CCDC192: variants seen among roughly 807,000 people sequenced by gnomAD.
The protein encoded by CCDC192 is coiled-coil domain-containing protein 192.
chr5:127,747,255 C>A (rs577107486), intron 2 of CCDC192, among the ~76,000 whole-genome samples: 2 of 152,086 alleles, frequency 1.3e-5, no homozygotes, highest in South Asian at 2.1e-4. Flanking sequence ...ATCCCTCCCC[C>A]CTCTCCCCAC....
At chr5:127,851,998 A>G (rs530633371) in intron 5 of CCDC192, among the ~76,000 whole-genome samples, 2 of 152,354 alleles carry the variant, frequency 1.3e-5, no homozygotes, top group African/African-American at 4.8e-5. Context: ...AAATTAAACC[A>G]GTTTTATAAC....
chr5:127,715,594 T>A (rs248730), intron 2 of CCDC192, among the ~76,000 whole-genome samples: 1 of 152,032 alleles, frequency 6.6e-6, no homozygotes, highest in Non-Finnish European at 1.5e-5. Flanking sequence ...CCAATTTCAG[T>A]ATTGTTTTTT....
At chr5:127,936,454 G>T (rs1561558599) in intron 6 of CCDC192, among the ~76,000 whole-genome samples, 1 of 152,128 alleles carries the variant, frequency 6.6e-6, no homozygotes, top group Non-Finnish European at 1.5e-5. Flanking sequence ...CAGAATGCTG[G>T]GACTGCCTCT....
chr5:127,888,207 G>C (rs1752627033), intron 6 of CCDC192, among the ~76,000 whole-genome samples: 1 of 151,894 alleles, frequency 6.6e-6, no homozygotes, highest in Non-Finnish European at 1.5e-5. Context: ...CTTGAAGTCA[G>C]GGGTTCGAAA....
chr5:127,919,013 ATG>A (rs1240105322), intron 6 of CCDC192, among the ~76,000 whole-genome samples: 2 of 145,222 alleles, frequency 1.4e-5, no homozygotes, highest in Admixed American at 6.9e-5. Context: ...GTATGTATAT[ATG>A]TGTGTGTATG....
At chr5:127,907,543 C>T (rs868326364) in intron 6 of CCDC192, among the ~76,000 whole-genome samples, 3 of 152,070 alleles carry the variant, frequency 2.0e-5, no homozygotes, top group Non-Finnish European at 4.4e-5. Flanking sequence ...TAAAGTCTGA[C>T]ATCTATTCAA....
intron 6 of CCDC192, among the ~76,000 whole-genome samples, chr5:127,890,382 T>C (rs1443243148): frequency 6.7e-6 from 1 of 149,992 alleles, no homozygotes; most frequent in East Asian, 2.0e-4. Context: ...TTGTAAAACC[T>C]AAGATTGGTG....
intron 5 of CCDC192, among the ~76,000 whole-genome samples, chr5:127,869,693 G>A (rs924858462): frequency 1.6e-4 from 25 of 152,138 alleles, no homozygotes; most frequent in Admixed American, 1.3e-3. Flanking sequence ...CCTACAGAGG[G>A]AAAAAACTGA....
At chr5:127,776,496 G>A (rs868493328) in intron 3 of CCDC192, among the ~76,000 whole-genome samples, 1 of 152,240 alleles carries the variant, frequency 6.6e-6, no homozygotes, top group South Asian at 2.1e-4. Context: ...CTGACAATGC[G>A]ACAGAAAAGA....
At chr5:127,863,560 A>C (rs1380012916) in intron 5 of CCDC192, among the ~76,000 whole-genome samples, 1 of 152,232 alleles carries the variant, frequency 6.6e-6, no homozygotes, top group Non-Finnish European at 1.5e-5. Flanking sequence ...AGGAGGAAGA[A>C]ACAGGTAGTT....
At chr5:127,931,644 T>C (rs756718120) in intron 6 of CCDC192, among the ~76,000 whole-genome samples, 6 of 152,084 alleles carry the variant, frequency 3.9e-5, no homozygotes, top group Admixed American at 1.3e-4. Flanking sequence ...GATCATCAGA[T>C]TTCCTTGGGA....
At chr5:127,797,694 T>G (rs1033989650) in intron 4 of CCDC192, among the ~76,000 whole-genome samples, 1 of 147,236 alleles carries the variant, frequency 6.8e-6, no homozygotes, top group African/African-American at 2.5e-5. Flanking sequence ...TCCAAAGGGT[T>G]TGCTTTTGGA....
intron 5 of CCDC192, among the ~76,000 whole-genome samples, chr5:127,848,437 C>T (rs902126987): frequency 6.6e-6 from 1 of 152,142 alleles, no homozygotes; most frequent in Non-Finnish European, 1.5e-5. Flanking sequence ...AATTCCTGAC[C>T]TTACTTCTAG....
chr5:127,779,593 C>A (rs1756072808), intron 3 of CCDC192, among the ~76,000 whole-genome samples: 1 of 152,160 alleles, frequency 6.6e-6, no homozygotes, highest in African/African-American at 2.4e-5. Flanking sequence ...CTGCGCCTAG[C>A]CTGGATCTAT....
At chr5:127,749,233 G>A (rs2126859700) in intron 2 of CCDC192, among the ~76,000 whole-genome samples, 1 of 152,162 alleles carries the variant, frequency 6.6e-6, no homozygotes, top group East Asian at 1.9e-4. Context: ...CATTCAGTAG[G>A]ATATTGGCTG....
chr5:127,752,798 C>T (rs764160565), intron 2 of CCDC192, among the ~76,000 whole-genome samples: 7 of 152,142 alleles, frequency 4.6e-5, no homozygotes, highest in Non-Finnish European at 7.4e-5. Flanking sequence ...GAGCCAGGTG[C>T]GAGATATAAT....
At chr5:127,809,533 G>A (rs938733764) in intron 5 of CCDC192, among the ~76,000 whole-genome samples, 4 of 152,102 alleles carry the variant, frequency 2.6e-5, no homozygotes, top group South Asian at 4.1e-4. Flanking sequence ...ACATAGTGAG[G>A]GGAACACTCA....
intron 5 of CCDC192, among the ~76,000 whole-genome samples, chr5:127,821,899 A>G (rs1749310577): frequency 6.6e-6 from 1 of 152,256 alleles, no homozygotes; most frequent in South Asian, 2.1e-4. Flanking sequence ...CAACTGAATT[A>G]TGAAGTTAAC....
intron 2 of CCDC192, among the ~76,000 whole-genome samples, chr5:127,752,020 A>AT (rs1357060090): frequency 6.6e-6 from 1 of 151,620 alleles, no homozygotes; most frequent in African/African-American, 2.4e-5. Context: ...ATTCTTCTAA[A>AT]TTTTTTTCAA....
Sources: allele counts gnomAD v4.1 joint callset (sites outside exome capture counted in the v4.1 genomes callset), GRCh38; gene constraint gnomAD v4.1.1; transcripts MANE v1.5; gene names NCBI Gene and HGNC (gene_info 2026-07-23, HGNC 2026-07-21).